The following DLG2 variants were observed in gnomAD, a reference collection of about 807,000 sequenced individuals.
DLG2 encodes the protein disks large homolog 2.
In DLG2, 45 loss-of-function variants were observed where a neutral mutation model predicts 132.5. The observed-to-expected ratio is 0.34, with a 90% confidence interval of 0.27 to 0.44. The LOEUF is 0.44. Among genes scored for constraint, DLG2 ranks in the 20% least tolerant of loss-of-function variants. DLG2 has a pLI of 1.00. For missense variants in DLG2, 1,045 were observed against 1,196.9 expected, an observed-to-expected ratio of 0.87 and a Z score of 1.87; for synonymous variants, 424 against 419.6, an observed-to-expected ratio of 1.01 and a Z score of -0.13.
chr11:83,499,895 A>ATCTATCTATCTATC (rs1555113454), intron 21 of DLG2, among the ~76,000 whole-genome samples: 1 of 114,520 alleles, frequency 8.7e-6, no homozygotes, highest in African/African-American at 3.5e-5. Flanking sequence ...ATATATATAT[A>ATCTATCTATCTATC]TATCAGTTCT....
At chr11:85,323,930 G>A (rs141660797) in intron 3 of DLG2, among the ~76,000 whole-genome samples, 1 of 152,134 alleles carries the variant, frequency 6.6e-6, no homozygotes, top group Non-Finnish European at 1.5e-5. Context: ...ATTCACCACA[G>A]GTGGCTCAGC....
chr11:83,618,980 T>A (rs536747871), intron 19 of DLG2, among the ~76,000 whole-genome samples: 2 of 152,332 alleles, frequency 1.3e-5, no homozygotes, highest in African/African-American at 4.8e-5. Flanking sequence ...AAGACATGTC[T>A]GATTCATCTT....
At chr11:84,725,202 T>G (rs2062290698) in intron 6 of DLG2, among the ~76,000 whole-genome samples, 1 of 152,168 alleles carries the variant, frequency 6.6e-6, no homozygotes, top group African/African-American at 2.4e-5. Context: ...CAGCTATCAC[T>G]AATAGCTAAT....
At chr11:84,541,380 T>C (rs796712660) in intron 6 of DLG2, among the ~76,000 whole-genome samples, 41 of 152,130 alleles carry the variant, frequency 2.7e-4, no homozygotes, top group African/African-American at 9.4e-4. Flanking sequence ...GTTCTGAAGC[T>C]TAACCCTGCC....
At chr11:83,823,277 T>A (rs1176506099) in intron 17 of DLG2, among the ~76,000 whole-genome samples, 1 of 152,162 alleles carries the variant, frequency 6.6e-6, no homozygotes, top group African/African-American at 2.4e-5. Flanking sequence ...TGATCAGCTG[T>A]TATACCACAG....
intron 6 of DLG2, among the ~76,000 whole-genome samples, chr11:84,861,381 T>C (rs10898309): frequency 0.27 from 40,342 of 151,834 alleles, 5,788 homozygotes; most frequent in Middle Eastern, 0.33. Flanking sequence ...CTACGTAACT[T>C]CTGACATTAC....
intron 6 of DLG2, among the ~76,000 whole-genome samples, chr11:84,718,389 T>A (rs975692974): frequency 9.2e-5 from 14 of 151,946 alleles, no homozygotes; most frequent in Non-Finnish European, 2.1e-4. Context: ...GAAGAGAACA[T>A]AAAGAAAGTT....
intron 4 of DLG2, among the ~76,000 whole-genome samples, chr11:85,231,540 T>C (rs766230974): frequency 3.3e-5 from 5 of 151,984 alleles, no homozygotes; most frequent in Admixed American, 6.6e-5. Flanking sequence ...AATATTTCTG[T>C]CACCAATCTC....
At chr11:83,708,218 A>C (rs550300512) in intron 18 of DLG2, among the ~76,000 whole-genome samples, 81 of 152,376 alleles carry the variant, frequency 5.3e-4, no homozygotes, top group Admixed American at 1.1e-3. Flanking sequence ...GAATGTTCAC[A>C]GTGGCACATA....
chr11:83,883,211 G>A (rs1475451413), intron 15 of DLG2, among the ~76,000 whole-genome samples: 1 of 151,920 alleles, frequency 6.6e-6, no homozygotes, highest in Non-Finnish European at 1.5e-5. Context: ...TATATGTGAG[G>A]GTCAAGATTT....
chr11:84,750,722 T>C (rs74436697), intron 6 of DLG2, among the ~76,000 whole-genome samples: 1,819 of 152,272 alleles, frequency 0.012, 43 homozygotes, highest in African/African-American at 0.041. Flanking sequence ...TTTCAATTAC[T>C]TCATATTGAT....
At chr11:84,679,243 A>C (rs925696160) in intron 6 of DLG2, among the ~76,000 whole-genome samples, 3 of 152,122 alleles carry the variant, frequency 2.0e-5, no homozygotes, top group African/African-American at 7.2e-5. Context: ...AGATATCTGC[A>C]GAATATAATG....
intron 7 of DLG2, among the ~76,000 whole-genome samples, chr11:84,337,492 T>A (rs1363140000): frequency 3.3e-5 from 5 of 152,210 alleles, no homozygotes. Flanking sequence ...TTTTTCTATG[T>A]GTATATATTT....
chr11:84,876,959 G>A (rs1357741195), intron 6 of DLG2, among the ~76,000 whole-genome samples: 1 of 152,174 alleles, frequency 6.6e-6, no homozygotes, highest in African/African-American at 2.4e-5. Flanking sequence ...TCATTCAGGA[G>A]CAGGTTGTTC....
chr11:84,204,083 G>A (rs759915674), intron 8 of DLG2, among the ~76,000 whole-genome samples: 1 of 151,890 alleles, frequency 6.6e-6, no homozygotes, highest in Non-Finnish European at 1.5e-5. Flanking sequence ...TCAGCCTCCC[G>A]AATAGCTGGG....
rs550550710 is a variant in DLG2 at position 85,309,876 on chromosome 11, C to A, written c.41-24511G>T. Among the ~76,000 whole-genome samples, 16 of 152,268 alleles carry A rather than the reference C, an allele frequency of 1.1e-4. No homozygotes were observed. In the South Asian group the frequency reaches 3.1e-3, roughly 30 times the overall value. ...TTGCCTCTGCTTATCTCTCCCATAG[C>A]CATTATGGCACTGTATTTTAACTAT... On this transcript the variant is annotated intron_variant, in intron 3 of 27. Transcript: ENST00000376104.
chr11:85,271,330 C>T (rs1182803261), intron 4 of DLG2, among the ~76,000 whole-genome samples: 1 of 152,238 alleles, frequency 6.6e-6, no homozygotes, highest in Admixed American at 6.5e-5. Flanking sequence ...TGTGTGGAAA[C>T]ATCTGAATGC....
intron 6 of DLG2, among the ~76,000 whole-genome samples, chr11:84,994,842 G>T (rs1185500468): frequency 1.3e-5 from 2 of 152,170 alleles, no homozygotes; most frequent in African/African-American, 4.8e-5. Context: ...AAACAAGCTT[G>T]TTGAAATTCA....
intron 7 of DLG2, chr11:84,273,306 GAAAAAAAAAAA>G: frequency 5.1e-6 from 4 of 787,134 alleles, no homozygotes; most frequent in Non-Finnish European, 5.8e-6. Context: ...AGTTGAAGAG[GAAAAAAAAAAA>G]AAAAAAAAAA....
Sources: allele counts gnomAD v4.1 joint callset (sites outside exome capture counted in the v4.1 genomes callset), GRCh38; gene constraint gnomAD v4.1.1; transcripts MANE v1.5; gene names NCBI Gene and HGNC (gene_info 2026-07-23, HGNC 2026-07-21).